PCYT1B: variants seen among roughly 807,000 people sequenced by gnomAD.
The protein encoded by PCYT1B is phosphate cytidylyltransferase 1B, choline.
In PCYT1B, 10 loss-of-function variants were observed where a neutral mutation model predicts 26.4. The ratio of observed to expected loss-of-function variants is 0.38; its 90% CI spans 0.23 to 0.64. The LOEUF is 0.64. Ranked by LOEUF, PCYT1B falls within the 30% of genes least tolerant of loss-of-function variation. The pLI is 0.56. For missense variants in PCYT1B, 161 were observed against 292.7 expected (o/e 0.55, Z 3.28); for synonymous variants, 131 against 108.4 (o/e 1.21, Z -1.29).
At position 24,562,398 on chromosome X, in the gene PCYT1B, C is replaced by T. The variant is rs939958036; in HGVS notation, c.1005G>A (p.Ser335=). 8 of 1,184,910 alleles carry T rather than the reference C, an allele frequency of 6.8e-6. No individual in the cohort carries two copies. Among genetic ancestry groups the T allele is most frequent in the African/African-American group, 1.8e-5 (1 of 56,512 alleles). ...TRSRSPSRSP[S]PTFSWLPLKT... is the part of the protein sequence containing the mutation. ...TGAGTGGAAGCCATGAGAAGGTGGG[C>T]GATGGGGAGCGGGAAGGGGACCGGC... The change falls in exon 8 of 8, where the codon TCG becomes TCA. Residue 335 remains serine, a synonymous_variant. Coordinates refer to ENST00000379144, the MANE Select transcript of PCYT1B (RefSeq NM_004845.5).
Position 24,568,903 on chromosome X carries a change from C to T in PCYT1B, c.897+6227G>A, listed in dbSNP as rs1168237659. 4.5e-5 allele frequency among the ~76,000 whole-genome samples: 5 copies of T among 111,121 alleles called. No individual in the cohort carries two copies. In the Admixed American group the frequency reaches 4.8e-4, roughly 11 times the overall value. The stretch of plus-strand genomic sequence containing the variant: ...TGAGGTCAGGTCAGGAGTTTGAGAC[C>T]AGCCTGGCCAACATGGTAAAATCCC... On this transcript the variant is annotated intron_variant, in intron 7 of 7. Transcript: ENST00000379144.
rs758550604 is a variant in PCYT1B at position 24,630,538 on chromosome X, G to A, written c.118-11454C>T. Among the ~76,000 whole-genome samples, 578 of 111,787 alleles carry A rather than the reference G, an allele frequency of 5.2e-3. 2 individuals carry two copies. Among genetic ancestry groups the A allele is most frequent in the Non-Finnish European group, 7.2e-3 (381 of 53,108 alleles). On this transcript the variant is annotated intron_variant, in intron 1 of 7. Coordinates refer to ENST00000379144, the MANE Select transcript of PCYT1B (RefSeq NM_004845.5). ...TCTCGATCTCCTGACCTCGTGATCC[G>A]CCCGCCTTGGCCTCCCAAAGTGCTG...
chrX:24,572,857 G>A (rs1338401337), intron 7 of PCYT1B, among the ~76,000 whole-genome samples: 2 of 107,184 alleles, frequency 1.9e-5, no homozygotes, highest in Non-Finnish European at 3.8e-5. Context: ...AACAATTCCA[G>A]CTACTATTTC....
intron 3 of PCYT1B, among the ~76,000 whole-genome samples, chrX:24,596,651 G>T (rs1452287961): frequency 9.1e-6 from 1 of 109,865 alleles, no homozygotes; most frequent in Non-Finnish European, 1.9e-5. Flanking sequence ...GACGATTGTG[G>T]TGCCTTTTAC....
At chrX:24,629,572 AAAAAAAAAAAAAAAAAAAC>A (rs1380434237) in intron 1 of PCYT1B, among the ~76,000 whole-genome samples, 19 of 99,211 alleles carry the variant, frequency 1.9e-4, no homozygotes, top group African/African-American at 6.8e-4. Flanking sequence ...AAAAAAAAAA[AAAAAAAAAAAAAAAAAAAC>A]AACACGTATT....
At chrX:24,639,516 A>ATC (rs1926398913) in intron 1 of PCYT1B, among the ~76,000 whole-genome samples, 1 of 111,227 alleles carries the variant, frequency 9.0e-6, no homozygotes, top group Non-Finnish European at 1.9e-5. Flanking sequence ...TCATCACTGC[A>ATC]TCTCATCAGG....
chrX:24,641,141 C>A (rs2148270347), intron 1 of PCYT1B, among the ~76,000 whole-genome samples: 1 of 111,473 alleles, frequency 9.0e-6, no homozygotes, highest in South Asian at 3.8e-4. Flanking sequence ...ACCAGGTTGG[C>A]CAGGCTGGTC....
chrX:24,566,698 T>C (rs1017524699), intron 7 of PCYT1B, among the ~76,000 whole-genome samples: 1 of 111,806 alleles, frequency 8.9e-6, no homozygotes, highest in African/African-American at 3.3e-5. Flanking sequence ...TAAGGAACTA[T>C]TAAGGCCACA....
chrX:24,663,414 A>G (rs1042827776), intron 1 of PCYT1B, among the ~76,000 whole-genome samples: 7 of 112,473 alleles, frequency 6.2e-5, no homozygotes, highest in Non-Finnish European at 1.3e-4. Flanking sequence ...ATATAAGTCA[A>G]GTGTTTGGCT....
intron 1 of PCYT1B, among the ~76,000 whole-genome samples, chrX:24,661,796 T>A (rs1390725394): frequency 8.9e-6 from 1 of 112,254 alleles, no homozygotes; most frequent in Non-Finnish European, 1.9e-5. Context: ...AATGACAATG[T>A]TTATAAAACA....
chrX:24,612,595 T>G (rs1925342639), intron 2 of PCYT1B, among the ~76,000 whole-genome samples: 1 of 112,261 alleles, frequency 8.9e-6, no homozygotes, highest in Non-Finnish European at 1.9e-5. Context: ...AGATAACACT[T>G]CATACACACT....
chrX:24,617,089 C>A (rs1023062601), intron 2 of PCYT1B, among the ~76,000 whole-genome samples: 1 of 111,898 alleles, frequency 8.9e-6, no homozygotes, highest in Admixed American at 9.5e-5. Flanking sequence ...TGGAACCCAG[C>A]CATCTGGGTT....
At chrX:24,672,042 G>A (rs1332035573) in intron 1 of PCYT1B, among the ~76,000 whole-genome samples, 2 of 111,898 alleles carry the variant, frequency 1.8e-5, no homozygotes, top group East Asian at 2.8e-4. Flanking sequence ...CACGCCTGTA[G>A]TCCCAGCTAC....
Position 24,558,525 on chromosome X carries a change from C to T in PCYT1B, c.*3768G>A, listed in dbSNP as rs776456664. 2 of 108,955 alleles carry T rather than the reference C, an allele frequency of 1.8e-5. No individual in the cohort carries two copies. Among genetic ancestry groups the T allele is most frequent in the African/African-American group, 3.4e-5 (1 of 29,848 alleles). The allele number at this position is 108,955 out of a possible 1,213,427, so 9.0% of individuals were successfully genotyped here. ...TTCAGCTGAGCCAGTGACACCGTCT[C>T]GCATCTCTCCCTGGGGTATGACTAG... On this transcript the variant is annotated 3_prime_UTR_variant, in exon 8 of 8. Coordinates refer to ENST00000379144, the MANE Select transcript of PCYT1B (RefSeq NM_004845.5).
chrX:24,571,140 G>A (rs1923810459), intron 7 of PCYT1B, among the ~76,000 whole-genome samples: 1 of 111,755 alleles, frequency 8.9e-6, no homozygotes. Context: ...AAGGTGGGTG[G>A]ATCACTTGAG....
chrX:24,657,244 C>T (rs111485251), intron 1 of PCYT1B, among the ~76,000 whole-genome samples: 1,367 of 112,152 alleles, frequency 0.012, 20 homozygotes, highest in African/African-American at 0.042. Context: ...CGCCATCATA[C>T]TCAAGAGTGC....
chrX:24,594,517 GCAC>G (rs1924716146), intron 3 of PCYT1B, among the ~76,000 whole-genome samples: 1 of 111,185 alleles, frequency 9.0e-6, no homozygotes, highest in Non-Finnish European at 1.9e-5. Flanking sequence ...TTCTGAATCT[GCAC>G]CTGAGCAATT....
chrX:24,651,386 C>T (rs1602208713), upstream of PCYT1B, among the ~76,000 whole-genome samples: 2 of 89,075 alleles, frequency 2.2e-5, no homozygotes, highest in Non-Finnish European at 4.2e-5. Flanking sequence ...ACCTCGGAGG[C>T]GGAGGTTGCA....
At chrX:24,578,835 G>C (rs990292356) in intron 6 of PCYT1B, among the ~76,000 whole-genome samples, 5 of 111,460 alleles carry the variant, frequency 4.5e-5, no homozygotes, top group African/African-American at 1.6e-4. Flanking sequence ...TAAGAGGAGG[G>C]AAGCAAGGAA....
Sources: allele counts gnomAD v4.1 joint callset (sites outside exome capture counted in the v4.1 genomes callset), GRCh38; gene constraint gnomAD v4.1.1; transcripts MANE v1.5; gene names NCBI Gene and HGNC (gene_info 2026-07-23, HGNC 2026-07-21).